DRC10: variants seen among roughly 807,000 people sequenced by gnomAD.
DRC10 encodes the protein IQ domain-containing protein D.
chr12:113,195,855 T>C, the DRC10 span: 1 of 1,613,064 alleles, frequency 6.2e-7, no homozygotes, highest in Non-Finnish European at 8.5e-7. Context: ...GATCTTCTCC[T>C]CCCTGTGAAC....
At chr12:113,213,642 T>C in the DRC10 span, among the ~76,000 whole-genome samples, 7 of 152,216 alleles carry the variant, frequency 4.6e-5, no homozygotes, top group Admixed American at 3.9e-4. Context: ...ATCAGCACTA[T>C]TCTGTCCAGT....
chr12:113,216,004 T>C, the DRC10 span, among the ~76,000 whole-genome samples: 2 of 152,204 alleles, frequency 1.3e-5, no homozygotes, highest in Non-Finnish European at 1.5e-5. Context: ...GTAATTGCAC[T>C]CCTTGGTGTT....
the DRC10 span, among the ~76,000 whole-genome samples, chr12:113,219,502 T>G: frequency 6.6e-6 from 1 of 152,216 alleles, no homozygotes; most frequent in Non-Finnish European, 1.5e-5. Flanking sequence ...TCAACTCTTT[T>G]GCCCATTAAA....
At chr12:113,218,332 C>T in the DRC10 span, among the ~76,000 whole-genome samples, 5 of 151,710 alleles carry the variant, frequency 3.3e-5, no homozygotes, top group African/African-American at 1.2e-4. Context: ...TTAGTAGAGA[C>T]GGGGTTTCTC....
the DRC10 span, among the ~76,000 whole-genome samples, chr12:113,209,388 G>A: frequency 6.6e-6 from 1 of 152,174 alleles, no homozygotes; most frequent in Non-Finnish European, 1.5e-5. Context: ...CTAAAGTTTA[G>A]TTAATAGCAT....
chr12:113,211,945 G>T, the DRC10 span, among the ~76,000 whole-genome samples: 763 of 150,906 alleles, frequency 5.1e-3, 9 homozygotes, highest in African/African-American at 0.017. Context: ...GGTGCCTGTA[G>T]TCCCCGCTAT....
the DRC10 span, among the ~76,000 whole-genome samples, chr12:113,215,062 G>C: frequency 2.6e-5 from 4 of 152,196 alleles, no homozygotes; most frequent in African/African-American, 7.2e-5. Flanking sequence ...TAGTGACTCA[G>C]ATTGGGAGGG....
chr12:113,216,229 A>C, the DRC10 span, among the ~76,000 whole-genome samples: 1 of 152,254 alleles, frequency 6.6e-6, no homozygotes, highest in Non-Finnish European at 1.5e-5. Flanking sequence ...ACGAAAAGAC[A>C]TGGAAGAAAC....
chr12:113,207,884 C>T, the DRC10 span: 20 of 1,614,202 alleles, frequency 1.2e-5, no homozygotes, highest in South Asian at 1.1e-4. Flanking sequence ...CAGAGATCCT[C>T]ATGCTCTCTC....
At chr12:113,207,127 C>A in the DRC10 span, 1 of 396,504 alleles carries the variant, frequency 2.5e-6, no homozygotes, top group Admixed American at 3.8e-5. Context: ...GCAGGAGGAT[C>A]ACTTGAGGTC....
the DRC10 span, among the ~76,000 whole-genome samples, chr12:113,210,910 T>C: frequency 6.6e-6 from 1 of 152,154 alleles, no homozygotes; most frequent in Non-Finnish European, 1.5e-5. Context: ...TGTCTGTAGA[T>C]GTGAGAAATG....
the DRC10 span, chr12:113,207,456 C>T: frequency 6.2e-7 from 1 of 1,612,418 alleles, no homozygotes; most frequent in South Asian, 1.1e-5. Context: ...TCCTGTTCTT[C>T]ATTCTCTCCG....
chr12:113,210,612 G>GAAAAAAAAAA, the DRC10 span, among the ~76,000 whole-genome samples: 5 of 107,294 alleles, frequency 4.7e-5, no homozygotes, highest in Non-Finnish European at 5.7e-5. Context: ...AAGAAAAAAA[G>GAAAAAAAAAA]AAAAAAAAAA....
chr12:113,204,890 T>A, the DRC10 span, among the ~76,000 whole-genome samples: 1 of 151,950 alleles, frequency 6.6e-6, no homozygotes, highest in Admixed American at 6.6e-5. Flanking sequence ...GATCATGCCA[T>A]TATACTCCAG....
chr12:113,195,500 T>C, the DRC10 span: 2 of 1,486,828 alleles, frequency 1.3e-6, no homozygotes, highest in South Asian at 1.4e-5. Context: ...GCCGTGAATT[T>C]AGTGCTCTCC....
the DRC10 span, chr12:113,200,553 G>T: frequency 3.0e-5 from 44 of 1,476,958 alleles, no homozygotes; most frequent in Middle Eastern, 3.4e-4. Context: ...GGCCCCCTCG[G>T]CCCATCCTCG....
chr12:113,195,789 A>C, the DRC10 span: 2 of 1,613,696 alleles, frequency 1.2e-6, no homozygotes, highest in Admixed American at 3.3e-5. Flanking sequence ...CTCTTCCCGG[A>C]TCTGCGCAAA....
the DRC10 span, among the ~76,000 whole-genome samples, chr12:113,214,639 ATGT>A: frequency 1.2e-4 from 19 of 152,170 alleles, no homozygotes; most frequent in African/African-American, 4.3e-4. Context: ...TAATAGGATA[ATGT>A]TGTTTTGCAA....
chr12:113,211,630 TAAAAAAAC>T, the DRC10 span, among the ~76,000 whole-genome samples: 2 of 150,816 alleles, frequency 1.3e-5, no homozygotes, highest in South Asian at 2.1e-4. Flanking sequence ...TCTTGTCTCT[TAAAAAAAC>T]AAAAAAACAA....
Sources: gnomAD v4.1 joint callset for allele counts (sites outside exome capture counted in the v4.1 genomes callset) on GRCh38, gnomAD v4.1.1 for gene constraint, MANE v1.5 for transcripts, NCBI Gene and HGNC (gene_info 2026-07-23, HGNC 2026-07-21) for gene names.